MAP3K15: variants seen among roughly 807,000 people sequenced by gnomAD.
MAP3K15 encodes mitogen-activated protein kinase kinase kinase 15.
In MAP3K15, 124 loss-of-function variants were observed where a neutral mutation model predicts 99.5. The observed-to-expected ratio is 1.25, with a 90% CI of 1.08 to 1.45. MAP3K15 has a LOEUF of 1.45. MAP3K15 is among the 40% of genes most tolerant of loss of function. The probability of loss-of-function intolerance (pLI) is 0.00; values close to 1 mark genes in which losing one functional copy is unlikely to be tolerated. For missense variants in MAP3K15, 1,242 were observed against 1,079.7 expected (o/e 1.15, Z -2.11); for synonymous variants, 494 against 439.6 (o/e 1.12, Z -1.55).
intron 3 of MAP3K15, 147 bp downstream of exon 3, chrX:19,486,335 A>G (rs1335123901): frequency 7.6e-6 from 2 of 263,229 alleles, no homozygotes; most frequent in Non-Finnish European, 1.3e-5. Flanking sequence ...AGGCATAGGG[A>G]GATTTCTAGC....
chrX:19,363,077 C>G (rs1340400544), intron 25 of MAP3K15, among the ~76,000 whole-genome samples: 3 of 112,080 alleles, frequency 2.7e-5, no homozygotes, highest in Non-Finnish European at 3.8e-5. Flanking sequence ...CCCTTGACAA[C>G]AAAGGCCAGT....
At chrX:19,419,835 C>T (rs1435941221) in intron 9 of MAP3K15, among the ~76,000 whole-genome samples, 1 of 112,090 alleles carries the variant, frequency 8.9e-6, no homozygotes, top group East Asian at 2.8e-4. Context: ...TTATAACAAA[C>T]TCTCTCTCAG....
Position 19,361,521 on chromosome X carries a change from T to G in MAP3K15, c.3752A>C (p.Gln1251Pro). ...TTCAATTGTCTTTGCATCAGCTCCT[T>G]GCAGCCGCAACCAGTCTATAAGCTC... is the stretch of plus-strand genomic sequence containing the variant. ...DKELIDWLRL[Q>P]GADAKTIEKI... Residue 1251 changes from glutamine (Q) to proline (P), a missense_variant, in exon 27 of 29, where the codon CAA (glutamine) becomes CCA (proline). By Grantham distance (76) the Gln-to-Pro change is moderately conservative (BLOSUM62 -1). Transcript: ENST00000338883. 8.3e-7 allele frequency: 1 copy of G among 1,211,517 alleles called. No homozygotes were observed. The highest frequency in any genetic ancestry group is 1.1e-6 in the Non-Finnish European group (1 of 894,964).
chrX:19,424,267 CACACATATATACACACATATATAT>C (rs1167083259), intron 9 of MAP3K15, among the ~76,000 whole-genome samples: 15 of 105,376 alleles, frequency 1.4e-4, no homozygotes, highest in Admixed American at 5.2e-4. Context: ...CATATATATA[CACACATATATACACACATATATAT>C]ACACATATAT....
At chrX:19,446,084 T>G (rs1368083372) in intron 6 of MAP3K15, among the ~76,000 whole-genome samples, 1 of 112,245 alleles carries the variant, frequency 8.9e-6, no homozygotes, top group Non-Finnish European at 1.9e-5. Flanking sequence ...TGAAATAAAC[T>G]GTATGTGTGC....
At chrX:19,434,244 G>C (rs1198250994) in intron 6 of MAP3K15, among the ~76,000 whole-genome samples, 1 of 92,852 alleles carries the variant, frequency 1.1e-5, no homozygotes, top group African/African-American at 4.4e-5. Context: ...TTTTTTTTTT[G>C]AGATGGAGTC....
Position 19,448,499 on chromosome X carries a change from C to T in MAP3K15, c.995+8414G>A, listed in dbSNP as rs778957318. On this transcript the variant is annotated intron_variant, in intron 6 of 28. Transcript: ENST00000338883. ...ACAAAGATATGTTAAAACAATGTCT[C>T]CTGTATTTGACTTTACTGTTATGGG... 6.5e-5 allele frequency among the ~76,000 whole-genome samples: 7 copies of T among 108,390 alleles called. 1 individual carries two copies. Among genetic ancestry groups the T allele is most frequent in the Non-Finnish European group, 1.4e-4 (7 of 51,445 alleles). 94.1% of individuals were successfully genotyped at this position (108,390 alleles called of 115,157 possible). A position where few individuals can be genotyped will look rare whatever the true frequency, so the allele number is the denominator to read the frequency against.
chrX:19,448,187 C>T (rs1364941802), intron 6 of MAP3K15, among the ~76,000 whole-genome samples: 1 of 109,087 alleles, frequency 9.2e-6, no homozygotes, highest in Admixed American at 9.8e-5. Context: ...GCAACGAGGA[C>T]TTCACAATGC....
At chrX:19,364,478 G>A (rs1388397081) in intron 25 of MAP3K15, among the ~76,000 whole-genome samples, 1 of 111,565 alleles carries the variant, frequency 9.0e-6, no homozygotes, top group Non-Finnish European at 1.9e-5. Context: ...CCATTCTCCT[G>A]GAGGCACCAT....
intron 7 of MAP3K15, among the ~76,000 whole-genome samples, chrX:19,430,124 G>A (rs956204657): frequency 8.9e-6 from 1 of 112,209 alleles, no homozygotes; most frequent in African/African-American, 3.2e-5. Flanking sequence ...CCTAGCCAGA[G>A]GTGGAGCACA....
chrX:19,472,320 T>C (rs1465083751), intron 3 of MAP3K15, among the ~76,000 whole-genome samples: 1 of 110,398 alleles, frequency 9.1e-6, no homozygotes, highest in African/African-American at 3.3e-5. Context: ...TAATTTGAAT[T>C]CACGTGATAA....
chrX:19,421,465 C>A (rs1602294285), intron 9 of MAP3K15, among the ~76,000 whole-genome samples: 2 of 110,597 alleles, frequency 1.8e-5, no homozygotes, highest in African/African-American at 6.6e-5. Context: ...AGGAATCCAA[C>A]TTACAAGGGA....
At chrX:19,368,432 C>T (rs1249035452) in intron 25 of MAP3K15, among the ~76,000 whole-genome samples, 3 of 113,224 alleles carry the variant, frequency 2.6e-5, no homozygotes, top group South Asian at 3.5e-4. Context: ...TGAGCCACCA[C>T]GCCCATCCAC....
At chrX:19,407,322 T>C (rs774521741) in intron 12 of MAP3K15, 39 bp from the exon 13 acceptor site, 8 of 770,839 alleles carry the variant, frequency 1.0e-5, no homozygotes, top group African/African-American at 2.1e-5. Context: ...ACATAAGTTA[T>C]GATACCCACT....
intron 9 of MAP3K15, among the ~76,000 whole-genome samples, chrX:19,423,709 C>G (rs2063805337): frequency 8.9e-6 from 1 of 111,773 alleles, no homozygotes; most frequent in African/African-American, 3.3e-5. Context: ...ATTGGGAGAT[C>G]ACCTCTAAGC....
chrX:19,393,335 C>T (rs1011071521), intron 16 of MAP3K15, among the ~76,000 whole-genome samples: 2 of 111,759 alleles, frequency 1.8e-5, no homozygotes, highest in Admixed American at 1.9e-4. Flanking sequence ...TATCAACTAA[C>T]GTGAAGAGTA....
chrX:19,422,306 T>C (rs1407680511), intron 9 of MAP3K15, among the ~76,000 whole-genome samples: 1 of 111,600 alleles, frequency 9.0e-6, no homozygotes, highest in Non-Finnish European at 1.9e-5. Flanking sequence ...ATATCCAGAA[T>C]CTACAATAAA....
intron 18 of MAP3K15, among the ~76,000 whole-genome samples, chrX:19,389,301 TA>T (rs34025622): frequency 0.078 from 4,898 of 62,801 alleles, 294 homozygotes; most frequent in African/African-American, 0.2. Flanking sequence ...ATAAGGCTGC[TA>T]AAAAAAAAAA....
At chrX:19,386,772 C>G (rs1181533354) in intron 18 of MAP3K15, among the ~76,000 whole-genome samples, 1 of 111,477 alleles carries the variant, frequency 9.0e-6, no homozygotes, top group Non-Finnish European at 1.9e-5. Flanking sequence ...CAGGGACCTT[C>G]TAATCTGATC....
Sources: gnomAD v4.1 joint callset for allele counts (sites outside exome capture counted in the v4.1 genomes callset) on GRCh38, gnomAD v4.1.1 for gene constraint, MANE v1.5 for transcripts, NCBI Gene and HGNC (gene_info 2026-07-23, HGNC 2026-07-21) for gene names.